Variants in PRKN observed in about 807,000 individuals in gnomAD.
PRKN encodes the protein parkin RBR E3 ubiquitin protein ligase.
PRKN carries 56 observed loss-of-function variants against 59.5 expected under a neutral mutation model. That is an observed-to-expected ratio of 0.94 (90% confidence interval 0.76 to 1.18). The LOEUF (loss-of-function observed/expected upper bound fraction) is 1.18, where lower values mean the gene tolerates loss of function less well. Ranked by LOEUF, PRKN falls within the 50% of genes most tolerant of loss-of-function variation. PRKN has a pLI of 0.00. For synonymous variants in PRKN, 250 were observed against 222.1 expected (o/e 1.13, Z -1.12); for missense variants, 657 against 596.4 (o/e 1.10, Z -1.06).
intron 8 of PRKN, among the ~76,000 whole-genome samples, chr6:161,567,328 G>T (rs184995983): frequency 6.6e-6 from 1 of 152,132 alleles, no homozygotes; most frequent in South Asian, 2.1e-4. Context: ...CATTACAGGT[G>T]TGAGCCACCA....
intron 4 of PRKN, among the ~76,000 whole-genome samples, chr6:162,140,171 A>T (rs1403640779): frequency 6.6e-6 from 1 of 152,222 alleles, no homozygotes; most frequent in Non-Finnish European, 1.5e-5. Context: ...TTGCATTATG[A>T]TTCAGTTTTC....
intron 5 of PRKN, among the ~76,000 whole-genome samples, chr6:162,000,878 T>G (rs1373748916): frequency 6.6e-6 from 1 of 151,962 alleles, no homozygotes; most frequent in African/African-American, 2.4e-5. Context: ...CATCCAGTTG[T>G]TCCAATACCA....
chr6:161,757,843 C>G (rs1281646486), intron 7 of PRKN, among the ~76,000 whole-genome samples: 2 of 84,074 alleles, frequency 2.4e-5, no homozygotes, highest in Non-Finnish European at 4.3e-5. Context: ...ATCTCTCTCT[C>G]TCTCTCTCTC....
intron 1 of PRKN, among the ~76,000 whole-genome samples, chr6:162,693,677 C>T (rs1777863198): frequency 6.6e-6 from 1 of 152,120 alleles, no homozygotes; most frequent in Non-Finnish European, 1.5e-5. Context: ...GCACAAAGAT[C>T]CTTCAAAATA....
intron 7 of PRKN, among the ~76,000 whole-genome samples, chr6:161,764,865 T>C (rs1789357271): frequency 6.6e-6 from 1 of 152,172 alleles, no homozygotes. Flanking sequence ...ACACATATTT[T>C]ATTGGCATCA....
At chr6:162,232,574 T>C (rs1778469264) in intron 3 of PRKN, among the ~76,000 whole-genome samples, 1 of 152,212 alleles carries the variant, frequency 6.6e-6, no homozygotes, top group Admixed American at 6.5e-5. Flanking sequence ...AGCCGCTTGG[T>C]ATGAAATCAT....
chr6:161,695,820 TGAG>T (rs1785997852), intron 7 of PRKN, among the ~76,000 whole-genome samples: 1 of 151,258 alleles, frequency 6.6e-6, no homozygotes, highest in Non-Finnish European at 1.5e-5. Context: ...GAGAAAAGAG[TGAG>T]GAGGTGTTTT....
At chr6:161,773,313 G>A (rs555572573) in intron 7 of PRKN, among the ~76,000 whole-genome samples, 10 of 152,272 alleles carry the variant, frequency 6.6e-5, no homozygotes, top group Admixed American at 3.3e-4. Flanking sequence ...TATTGACTAC[G>A]TTAGAATCCT....
intron 1 of PRKN, among the ~76,000 whole-genome samples, chr6:162,596,979 G>C (rs1268420225): frequency 1.3e-5 from 2 of 152,150 alleles, no homozygotes; most frequent in Non-Finnish European, 2.9e-5. Context: ...AGACACACGT[G>C]ACCTTCAAGA....
intron 1 of PRKN, among the ~76,000 whole-genome samples, chr6:162,456,664 G>C (rs1426449512): frequency 6.6e-6 from 1 of 152,068 alleles, no homozygotes; most frequent in African/African-American, 2.4e-5. Flanking sequence ...TTGTTCCTAG[G>C]GGAAAAATAC....
intron 5 of PRKN, among the ~76,000 whole-genome samples, chr6:162,041,043 A>G (rs1784051224): frequency 6.6e-6 from 1 of 151,746 alleles, no homozygotes; most frequent in Non-Finnish European, 1.5e-5. Flanking sequence ...AAATTAACCC[A>G]GCATGATGGT....
intron 1 of PRKN, among the ~76,000 whole-genome samples, chr6:162,595,425 T>C (rs768660248): frequency 2.5e-4 from 38 of 151,804 alleles, no homozygotes; most frequent in South Asian, 6.3e-4. Context: ...CCGGCTAGTT[T>C]TTGTATTTTT....
At chr6:162,554,260 T>C (rs1779459855) in intron 1 of PRKN, among the ~76,000 whole-genome samples, 1 of 151,992 alleles carries the variant, frequency 6.6e-6, no homozygotes, top group Non-Finnish European at 1.5e-5. Flanking sequence ...TCCCAGCACT[T>C]TGGGAGGCTG....
intron 1 of PRKN, among the ~76,000 whole-genome samples, chr6:162,529,434 C>T (rs373476097): frequency 4.6e-5 from 7 of 152,104 alleles, no homozygotes; most frequent in Non-Finnish European, 7.4e-5. Flanking sequence ...ATTATAAAGA[C>T]GATATACTAT....
At chr6:162,176,690 G>A (rs1017779412) in intron 4 of PRKN, among the ~76,000 whole-genome samples, 1 of 152,106 alleles carries the variant, frequency 6.6e-6, no homozygotes, top group Non-Finnish European at 1.5e-5. Flanking sequence ...ATTTGTATAT[G>A]ATGATACCAT....
intron 5 of PRKN, among the ~76,000 whole-genome samples, chr6:161,991,721 TG>T (rs1482808094): frequency 6.6e-6 from 1 of 151,994 alleles, no homozygotes; most frequent in Non-Finnish European, 1.5e-5. Flanking sequence ...TGGGTACCTG[TG>T]ATCCCAGCTA....
chr6:161,489,475 C>T (rs1777464792), intron 9 of PRKN, among the ~76,000 whole-genome samples: 1 of 152,132 alleles, frequency 6.6e-6, no homozygotes, highest in South Asian at 2.1e-4. Context: ...AGGAGAATCA[C>T]TTGAACTCCG....
intron 6 of PRKN, among the ~76,000 whole-genome samples, chr6:161,964,365 AT>A (rs1361177159): frequency 6.6e-6 from 1 of 151,982 alleles, no homozygotes; most frequent in African/African-American, 2.4e-5. Context: ...TTATGCAAAG[AT>A]TCTTTCTGGA....
rs141174398 is a variant in PRKN at position 162,244,097 on chromosome 6, TA to T, written c.412+18427del. On this transcript the variant is annotated intron_variant, in intron 3 of 11. Coordinates refer to ENST00000366898, the MANE Select transcript of PRKN (RefSeq NM_004562.3). ...GTAATGCAACCTAACAAGCAGAATG[TA>T]AACAACAGTAACTGCATTGCTAGAT... 1.4e-3 allele frequency among the ~76,000 whole-genome samples: 217 copies of T among 152,272 alleles called. 7 individuals are homozygous for T. In the East Asian group the frequency reaches 0.037, roughly 26 times the overall value.
Sources: allele counts gnomAD v4.1 joint callset (sites outside exome capture counted in the v4.1 genomes callset), GRCh38; gene constraint gnomAD v4.1.1; transcripts MANE v1.5; gene names NCBI Gene and HGNC (gene_info 2026-07-23, HGNC 2026-07-21).